DCLRE1A: variants seen among roughly 807,000 people sequenced by gnomAD.
DCLRE1A encodes DNA cross-link repair 1A protein.
A neutral mutation model predicts 91.9 loss-of-function variants in DCLRE1A; 64 were observed. The observed-to-expected ratio is 0.70, with a 90% CI of 0.57 to 0.86. The LOEUF (loss-of-function observed/expected upper bound fraction) is 0.86. Ranked by LOEUF, DCLRE1A falls within the 40% of genes least tolerant of loss-of-function variation. The pLI, the probability that DCLRE1A is intolerant of heterozygous loss-of-function variation, is 0.00. For missense variants in DCLRE1A, 1,145 were observed against 1,213.3 expected (o/e 0.94, Z 0.84); for synonymous variants, 416 against 431.1 (o/e 0.96, Z 0.43).
intron 1 of DCLRE1A, 60 bp from the exon 2 acceptor site, chr10:113,850,704 C>A: frequency 7.4e-7 from 1 of 1,348,942 alleles, no homozygotes; most frequent in Non-Finnish European, 9.9e-7. Context: ...GCTTTGACAA[C>A]ATTAGCAGTA....
chr10:113,850,455 T>C lies in DCLRE1A; in HGVS notation c.650A>G (p.Gln217Arg). ...TGAAACCGAGTTATCAGTTTGGTTCTGATACGAAGACCATCTTTCCTCAAG... is the reference window on the plus strand; with the variant it reads ...TGAAACCGAGTTATCAGTTTGGTTCCGATACGAAGACCATCTTTCCTCAAG... ...CSLEERWSSY[Q>R]NQTDNSVSND... is the part of the protein sequence containing the mutation. The change falls in exon 2 of 9, where the codon CAG becomes CGG. Residue 217 changes from glutamine to arginine, a missense_variant. Transcript: ENST00000361384. 1 of 1,614,208 alleles carries C rather than the reference T, an allele frequency of 6.2e-7. No homozygotes were observed.
At chr10:113,844,364 A>T in intron 4 of DCLRE1A, 120 bp from the exon 5 acceptor site, 1 of 1,272,432 alleles carries the variant, frequency 7.9e-7, no homozygotes, top group Admixed American at 2.5e-5. Flanking sequence ...ATAGCATTGC[A>T]CTACAGGAAA....
At chr10:113,837,262 G>T in intron 7 of DCLRE1A, 59 bp from the exon 8 acceptor site, 3 of 1,499,640 alleles carry the variant, frequency 2.0e-6, no homozygotes, top group Non-Finnish European at 2.7e-6. Context: ...GAATAAAACA[G>T]ACTGATTAAA....
At chr10:113,835,667 GC>G (rs1845349828) in intron 8 of DCLRE1A, among the ~76,000 whole-genome samples, 1 of 152,136 alleles carries the variant, frequency 6.6e-6, no homozygotes, top group African/African-American at 2.4e-5. Context: ...AGGCATGGTG[GC>G]TCACGCCTGT....
chr10:113,837,546 A>G (rs879611943), intron 7 of DCLRE1A, among the ~76,000 whole-genome samples: 1 of 152,204 alleles, frequency 6.6e-6, no homozygotes, highest in Non-Finnish European at 1.5e-5. Context: ...AGAGATAATA[A>G]TATCAACAAT....
In DCLRE1A at chr10:113,850,122, C is replaced by T. The variant is rs747712693; in HGVS notation, c.983G>A (p.Ser328Asn). ...DSQEQLFFTE[S>N]SKDGSLEEDD... Reference sequence around the variant, plus strand: ...TTCTTCGAGGCTGCCATCTTTTGAGCTTTCGGTAAAAAACAGTTGTTCTTG... The same window carrying T: ...TTCTTCGAGGCTGCCATCTTTTGAGTTTTCGGTAAAAAACAGTTGTTCTTG... Residue 328 changes from serine (S) to asparagine (N), a missense_variant, in exon 2 of 9, where the codon AGC becomes AAC. Ser to Asn is a conservative substitution (Grantham distance 46). Transcript: ENST00000361384. 8 of 1,614,028 alleles carry T rather than the reference C, an allele frequency of 5.0e-6. No homozygotes were observed. The highest frequency in any genetic ancestry group is 6.8e-6 in the Non-Finnish European group (8 of 1,179,998).
At chr10:113,841,690 A>C in intron 6 of DCLRE1A, 130 bp from the exon 7 acceptor site, 10 of 900,720 alleles carry the variant, frequency 1.1e-5, no homozygotes, top group Non-Finnish European at 1.6e-5. Context: ...TTTTACCATG[A>C]TATCTCAAAA....
At position 113,853,884 on chromosome 10, in the gene DCLRE1A, A is replaced by C. The variant is rs1268922036; in HGVS notation, c.-702T>G. The C allele has an allele frequency of 5.3e-5, 8 of 152,248 alleles. No individual in the cohort carries two copies. The highest frequency in any genetic ancestry group is 5.2e-4 in the Admixed American group (8 of 15,286). The allele number at this position is 152,248 out of a possible 1,614,324, so 9.4% of individuals were successfully genotyped here. ...ACAAAAAAAGTTGATATGTGAAAAA[A>C]GTTCAAATATGTGAAAGAGTGGGCT... On this transcript the variant is annotated 5_prime_UTR_variant, in exon 1 of 9. Coordinates refer to ENST00000361384, the MANE Select transcript of DCLRE1A (RefSeq NM_014881.5).
At chr10:113,835,884 G>A (rs182026088) in intron 8 of DCLRE1A, among the ~76,000 whole-genome samples, 34 of 152,166 alleles carry the variant, frequency 2.2e-4, no homozygotes, top group East Asian at 7.7e-4. Flanking sequence ...GCAGTGAGCC[G>A]AGATCGTGCC....
rs146390592 is a variant in DCLRE1A at position 113,850,920 on chromosome 10, C to G, written c.461-276G>C. Among the ~76,000 whole-genome samples the G allele has an allele frequency of 1.9e-3, 289 of 152,176 alleles. 2 individuals are homozygous for G. The highest frequency in any genetic ancestry group is 6.7e-3 in the African/African-American group (279 of 41,524). On this transcript the variant is annotated intron_variant, in intron 1 of 8. Transcript: ENST00000361384. ...CCATGATTGAGAAACTTTCTATAAGCCATCTTGGTATATCCCTGTGTATGT... is the reference window on the plus strand; with the variant it reads ...CCATGATTGAGAAACTTTCTATAAGGCATCTTGGTATATCCCTGTGTATGT...
At chr10:113,847,572 A>T (rs560811670) in intron 2 of DCLRE1A, among the ~76,000 whole-genome samples, 92 of 16,222 alleles carry the variant, frequency 5.7e-3, no homozygotes, top group Middle Eastern at 0.17. Context: ...ACCAAAAAAA[A>T]TTTTTTTAAA....
intron 5 of DCLRE1A, 86 bp downstream of exon 5, chr10:113,844,018 C>T: frequency 6.6e-7 from 1 of 1,518,848 alleles, no homozygotes; most frequent in Non-Finnish European, 8.9e-7. Flanking sequence ...TAATAATTGG[C>T]AATAAGCCAT....
At position 113,853,081 on chromosome 10, in the gene DCLRE1A, A is replaced by G; in HGVS notation, c.102T>C (p.Ser34=). 3.1e-6 allele frequency: 5 copies of G among 1,611,714 alleles called. No individual in the cohort carries two copies. The highest frequency in any genetic ancestry group is 4.2e-6 in the Non-Finnish European group (5 of 1,179,580). Reference sequence around the variant, plus strand: ...ATTTTCCATCTGTTGCTTTTTCAACAGATTTTAGAATATTTTTAGAGCCAT... The same window carrying G: ...ATTTTCCATCTGTTGCTTTTTCAACGGATTTTAGAATATTTTTAGAGCCAT... ...PNNGSKNILK[S]VEKATDGKYQ... is the part of the protein sequence containing the mutation. The change falls in exon 1 of 9, where the codon TCT becomes TCC. Residue 34 remains serine, a synonymous_variant. Transcript: ENST00000361384.
rs1845633325 is a variant in DCLRE1A at position 113,850,583 on chromosome 10, G to A, written c.522C>T (p.His174=). 2 of 1,614,190 alleles carry A rather than the reference G, an allele frequency of 1.2e-6. No individual in the cohort carries two copies. Among genetic ancestry groups the A allele is most frequent in the Non-Finnish European group, 1.7e-6 (2 of 1,180,040 alleles). Residue 174 remains histidine (H), a synonymous_variant, in exon 2 of 9, where the codon CAC becomes CAT. Coordinates refer to ENST00000361384, the MANE Select transcript of DCLRE1A (RefSeq NM_014881.5). ...TIPFHYKRYT[H]FLLAQSRAGD... Reference sequence around the variant, plus strand: ...CAGCCCTGCTTTGAGCTAGCAGGAAGTGAGTGTATCTCTTGTAATGAAAAG... The same window carrying A: ...CAGCCCTGCTTTGAGCTAGCAGGAAATGAGTGTATCTCTTGTAATGAAAAG...
Position 113,849,687 on chromosome 10 carries a change from A to G in DCLRE1A, c.1418T>C (p.Val473Ala). ...TGGTTGGGAAGAAAGATACCCTTCT[A>G]CCTGACTTTCAAAAGGTTTCAACAT... ...SLMLKPFESQ[V>A]EGYLSSQPTQ... Residue 473 changes from valine (V) to alanine (A), a missense_variant, in exon 2 of 9, where the codon GTA (valine) becomes GCA (alanine). Coordinates refer to ENST00000361384, the MANE Select transcript of DCLRE1A (RefSeq NM_014881.5). 5.6e-6 allele frequency: 9 copies of G among 1,614,182 alleles called. No homozygotes were observed. The highest frequency in any genetic ancestry group is 6.8e-6 in the Non-Finnish European group (8 of 1,180,040).
At chr10:113,839,036 T>C (rs1030656764) in intron 7 of DCLRE1A, among the ~76,000 whole-genome samples, 2 of 151,912 alleles carry the variant, frequency 1.3e-5, no homozygotes, top group Non-Finnish European at 2.9e-5. Context: ...AGGTAAGAAA[T>C]CTTCCGAGGC....
In DCLRE1A at chr10:113,844,214, A is replaced by G. The variant is rs751952280; in HGVS notation, c.2409T>C (p.Tyr803=). 6.2e-7 allele frequency: 1 copy of G among 1,614,188 alleles called. No homozygotes were observed. The highest frequency in any genetic ancestry group is 8.5e-7 in the Non-Finnish European group (1 of 1,180,016). ...GTAATATGACAGTACCATTAGGAAG[A>G]TAAAAGAGGATCATGACAGCACCTG... ...HCPGAVMILF[Y]LPNGTVILHT... Residue 803 remains tyrosine, a synonymous_variant, in exon 5 of 9, where the codon TAT becomes TAC. Coordinates refer to ENST00000361384, the MANE Select transcript of DCLRE1A (RefSeq NM_014881.5).
rs768616269 is a variant in DCLRE1A, at chr10:113,837,146, G to A, written c.2878C>T (p.Arg960Ter). ...TTAGAGTGTGTCCATCCTGTAGGTC[G>A]AAATGCCAAAATCTGATTGTATTTC... ...GGKYNQILAFRPTGWTHSNKF... is the reference protein window; with the variant it reads ...GGKYNQILAF The change falls in exon 8 of 9, where the codon CGA (arginine) becomes TGA (stop). Residue 960 changes from arginine to a stop codon, truncating the protein, a stop_gained. Transcript: ENST00000361384. LOFTEE classifies it high-confidence loss of function. 38 of 1,613,236 alleles carry A rather than the reference G, an allele frequency of 2.4e-5. No individual in the cohort carries two copies. The East Asian group carries it at 6.9e-4, about 29-fold the overall frequency.
Position 113,842,439 on chromosome 10 carries a change from A to G in DCLRE1A, c.2569T>C (p.Phe857Leu), listed in dbSNP as rs751372135. The change falls in exon 6 of 9, where the codon TTT becomes CTT. Residue 857 changes from phenylalanine (F) to leucine (L), a missense_variant. Coordinates refer to ENST00000361384, the MANE Select transcript of DCLRE1A (RefSeq NM_014881.5). ...TFPSQQEVIRFAINTAFEAVT... is the reference protein window; with the variant it reads ...TFPSQQEVIRLAINTAFEAVT... ...GCCTCAAAGGCAGTGTTGATGGCAA[A>G]CCGGATAACCTCTTGCTGAGATGGA... is the stretch of plus-strand genomic sequence containing the variant. 9 of 1,613,948 alleles carry G rather than the reference A, an allele frequency of 5.6e-6. No homozygotes were observed. The highest frequency in any genetic ancestry group is 3.3e-4 in the Middle Eastern group (2 of 6,058).
Sources: gnomAD v4.1 joint callset for allele counts (sites outside exome capture counted in the v4.1 genomes callset) on GRCh38, gnomAD v4.1.1 for gene constraint, MANE v1.5 for transcripts, NCBI Gene and HGNC (gene_info 2026-07-23, HGNC 2026-07-21) for gene names.